PIK3C2G: variants seen among roughly 807,000 people sequenced by gnomAD.
PIK3C2G encodes the protein phosphatidylinositol-4-phosphate 3-kinase catalytic subunit type 2 gamma.
Under a neutral mutation model 181.1 loss-of-function variants are expected in PIK3C2G, and 168 were observed. The observed-to-expected ratio is 0.93, with a 90% CI of 0.82 to 1.05. The LOEUF (loss-of-function observed/expected upper bound fraction) is 1.05, where lower values mean the gene tolerates loss of function less well. PIK3C2G is among the 50% of genes least tolerant of loss of function. The pLI is 0.00. For synonymous variants in PIK3C2G, 573 were observed against 592.2 expected (o/e 0.97, Z 0.47); for missense variants, 1,869 against 1,732.8 (o/e 1.08, Z -1.40).
intron 24 of PIK3C2G, among the ~76,000 whole-genome samples, chr12:18,527,473 A>T (rs1432643859): frequency 6.6e-6 from 1 of 152,184 alleles, no homozygotes; most frequent in Non-Finnish European, 1.5e-5. Flanking sequence ...CAGCTAACTT[A>T]GGCTGTTCTT....
intron 17 of PIK3C2G, among the ~76,000 whole-genome samples, chr12:18,421,399 T>A (rs558920836): frequency 1.3e-5 from 2 of 152,162 alleles, no homozygotes; most frequent in East Asian, 3.8e-4. Context: ...TTTATGAGTT[T>A]CTTGCACTTC....
At chr12:18,633,430 C>T (rs1373576868) in intron 31 of PIK3C2G, among the ~76,000 whole-genome samples, 1 of 152,162 alleles carries the variant, frequency 6.6e-6, no homozygotes, top group African/African-American at 2.4e-5. Context: ...TTTATAACTA[C>T]CTACTTCCAT....
At chr12:18,609,511 A>T in intron 30 of PIK3C2G, 24 bp from the exon 31 acceptor site, 1 of 1,406,680 alleles carries the variant, frequency 7.1e-7, no homozygotes, top group Non-Finnish European at 9.9e-7. Flanking sequence ...AACTGAACTC[A>T]CTGAAATTCT....
intron 8 of PIK3C2G, among the ~76,000 whole-genome samples, chr12:18,335,050 G>A (rs979042967): frequency 6.6e-6 from 1 of 152,052 alleles, no homozygotes; most frequent in African/African-American, 2.4e-5. Context: ...CACAGACGAG[G>A]GTTCAGTTCC....
intron 18 of PIK3C2G, among the ~76,000 whole-genome samples, chr12:18,487,272 C>A (rs1317573481): frequency 6.6e-6 from 1 of 152,012 alleles, no homozygotes; most frequent in Admixed American, 6.6e-5. Flanking sequence ...TAAAAAACTG[C>A]AAACTCATTC....
At chr12:18,605,119 A>G (rs897065777) in intron 30 of PIK3C2G, among the ~76,000 whole-genome samples, 10 of 152,148 alleles carry the variant, frequency 6.6e-5, no homozygotes, top group African/African-American at 2.4e-4. Flanking sequence ...TGGAAATACA[A>G]ATAAAATTGA....
At chr12:18,710,791 C>G in the PIK3C2G span, among the ~76,000 whole-genome samples, 4 of 152,152 alleles carry the variant, frequency 2.6e-5, no homozygotes, top group African/African-American at 4.8e-5. Context: ...AAATGCTCAT[C>G]ATCACTGGCC....
At chr12:18,317,695 GC>G (rs1329899452) in intron 6 of PIK3C2G, among the ~76,000 whole-genome samples, 8 of 152,140 alleles carry the variant, frequency 5.3e-5, no homozygotes, top group African/African-American at 1.9e-4. Flanking sequence ...GAGCACATAG[GC>G]CTAGCTCTGA....
chr12:18,588,185 G>A (rs1054487391), intron 29 of PIK3C2G, among the ~76,000 whole-genome samples: 3 of 151,924 alleles, frequency 2.0e-5, no homozygotes, highest in Admixed American at 1.3e-4. Context: ...ATGAACATAG[G>A]AACAGGCAAA....
intron 8 of PIK3C2G, among the ~76,000 whole-genome samples, chr12:18,326,689 T>G (rs575618504): frequency 6.6e-6 from 1 of 152,248 alleles, no homozygotes; most frequent in Non-Finnish European, 1.5e-5. Flanking sequence ...TTGTTTTAAG[T>G]CTCATAAAAG....
rs764927326 is a variant in PIK3C2G, at chr12:18,497,758, G to T, written c.3016+10G>T. 8.8e-6 allele frequency: 14 copies of T among 1,584,872 alleles called. No homozygotes were observed. The highest frequency in any genetic ancestry group is 1.1e-5 in the South Asian group (1 of 87,166). On this transcript the variant is annotated intron_variant, in intron 22 of 32. Coordinates refer to ENST00000538779, the MANE Select transcript of PIK3C2G (RefSeq NM_001288772.2). ...ACAGGAAAAGACCAAGGTCAGTATA[G>T]ATTAGAAAGTGCGCTGGCTCACATT...
chr12:18,676,197 A>G, the PIK3C2G span, among the ~76,000 whole-genome samples: 1 of 152,132 alleles, frequency 6.6e-6, no homozygotes, highest in Non-Finnish European at 1.5e-5. Context: ...AAAACAAGAG[A>G]AAGAAACCAG....
In PIK3C2G at chr12:18,606,771, T is replaced by A. The variant is rs923216171; in HGVS notation, c.4088-2764T>A. The stretch of plus-strand genomic sequence containing the variant: ...CCATTGACAAATTCTTTGTTATTAA[T>A]AAATTGATCTCTAAATTACCCCAGA... On this transcript the variant is annotated intron_variant, in intron 30 of 32. Coordinates refer to ENST00000538779, the MANE Select transcript of PIK3C2G (RefSeq NM_001288772.2). Among the ~76,000 whole-genome samples the A allele has an allele frequency of 2.0e-5, 3 of 152,168 alleles. No homozygotes were observed. In the South Asian group the frequency reaches 6.2e-4, roughly 32 times the overall value.
At chr12:18,391,814 TA>T (rs1943548148) in intron 15 of PIK3C2G, among the ~76,000 whole-genome samples, 1 of 152,058 alleles carries the variant, frequency 6.6e-6, no homozygotes, top group South Asian at 2.1e-4. Context: ...TGCTCATTAA[TA>T]ACAAGCCAAG....
At chr12:18,327,694 G>C (rs562767764) in intron 8 of PIK3C2G, among the ~76,000 whole-genome samples, 1 of 151,912 alleles carries the variant, frequency 6.6e-6, no homozygotes, top group Non-Finnish European at 1.5e-5. Context: ...TAATTTTATA[G>C]AAATTGAATA....
At chr12:18,516,352 G>A (rs899974775) in intron 24 of PIK3C2G, among the ~76,000 whole-genome samples, 4 of 150,748 alleles carry the variant, frequency 2.7e-5, no homozygotes, top group African/African-American at 9.8e-5. Flanking sequence ...ACTGAAAGCT[G>A]GATTGAGTCT....
chr12:18,395,395 A>G (rs1013210559), intron 15 of PIK3C2G, among the ~76,000 whole-genome samples: 1 of 150,874 alleles, frequency 6.6e-6, no homozygotes, highest in African/African-American at 2.4e-5. Flanking sequence ...ACTTTTTCAA[A>G]TTAGAACTCT....
the PIK3C2G span, among the ~76,000 whole-genome samples, chr12:18,692,226 G>T: frequency 6.6e-6 from 1 of 152,220 alleles, no homozygotes; most frequent in East Asian, 1.9e-4. Context: ...GGTAGGATCT[G>T]AGATGGTTTA....
chr12:18,502,388 G>A (rs913180901), intron 22 of PIK3C2G, among the ~76,000 whole-genome samples: 4 of 152,088 alleles, frequency 2.6e-5, no homozygotes, highest in African/African-American at 7.2e-5. Flanking sequence ...TTATATTTGT[G>A]TCCCTGGTCT....
Sources: allele counts gnomAD v4.1 joint callset (sites outside exome capture counted in the v4.1 genomes callset), GRCh38; gene constraint gnomAD v4.1.1; transcripts MANE v1.5; gene names NCBI Gene and HGNC (gene_info 2026-07-23, HGNC 2026-07-21).